Variants in DOCK3 observed in about 807,000 individuals in gnomAD.
DOCK3 encodes dedicator of cytokinesis protein 3.
A neutral mutation model predicts 265.6 loss-of-function variants in DOCK3; 60 were observed. That is an observed-to-expected ratio of 0.23 (90% CI 0.18 to 0.28). The LOEUF is 0.28. DOCK3 is among the 10% of genes least tolerant of loss of function. The pLI is 1.00. For missense variants in DOCK3, 1,981 were observed against 2,594.3 expected, an observed-to-expected ratio of 0.76 and a Z score of 5.14; for synonymous variants, 881 against 938.0, an observed-to-expected ratio of 0.94 and a Z score of 1.11.
chr3:50,722,108 T>G (rs1319314164), intron 1 of DOCK3, among the ~76,000 whole-genome samples: 2 of 152,154 alleles, frequency 1.3e-5, no homozygotes, highest in African/African-American at 2.4e-5. Flanking sequence ...TGCCAGAGAC[T>G]GAGGACAGGG....
intron 2 of DOCK3, chr3:50,787,751 TCTC>T: frequency 1.7e-6 from 2 of 1,177,614 alleles, no homozygotes; most frequent in Non-Finnish European, 2.5e-6. Flanking sequence ...TCTGTTATCT[TCTC>T]CTTTTTCTTC....
At chr3:51,129,301 T>C (rs992918209) in intron 9 of DOCK3, among the ~76,000 whole-genome samples, 17 of 152,308 alleles carry the variant, frequency 1.1e-4, no homozygotes, top group African/African-American at 3.6e-4. Context: ...TTTCGGGTGG[T>C]GCCTGCATAT....
chr3:50,861,360 A>G (rs953287026), intron 3 of DOCK3, among the ~76,000 whole-genome samples: 8 of 152,104 alleles, frequency 5.3e-5, no homozygotes, highest in Non-Finnish European at 1.2e-4. Flanking sequence ...CCAATGGTCA[A>G]TTTTTAAGAA....
intron 14 of DOCK3, among the ~76,000 whole-genome samples, chr3:51,224,377 T>G (rs900536070): frequency 6.6e-6 from 1 of 152,192 alleles, no homozygotes; most frequent in African/African-American, 2.4e-5. Flanking sequence ...CCAGTCCTGG[T>G]CTATTCCTGT....
intron 40 of DOCK3, among the ~76,000 whole-genome samples, chr3:51,353,026 TCTG>T (rs1235896774): frequency 6.6e-6 from 1 of 152,214 alleles, no homozygotes; most frequent in Non-Finnish European, 1.5e-5. Flanking sequence ...TATCTATTAA[TCTG>T]CAAAGAGTCA....
chr3:50,864,684 C>T (rs1057064995), intron 3 of DOCK3, among the ~76,000 whole-genome samples: 1 of 151,950 alleles, frequency 6.6e-6, no homozygotes, highest in African/African-American at 2.4e-5. Flanking sequence ...TTTGCAGCAC[C>T]ATTTATTAAA....
At chr3:51,030,280 G>A (rs919946611) in intron 5 of DOCK3, among the ~76,000 whole-genome samples, 2 of 152,162 alleles carry the variant, frequency 1.3e-5, no homozygotes, top group African/African-American at 4.8e-5. Context: ...GTCTGTTTCA[G>A]TTGACTGTTT....
intron 9 of DOCK3, among the ~76,000 whole-genome samples, chr3:51,118,569 C>T (rs536303043): frequency 3.1e-4 from 47 of 152,270 alleles, no homozygotes; most frequent in African/African-American, 1.1e-3. Context: ...GTTAAAGTCT[C>T]CCACTATTAT....
At chr3:51,011,527 A>G (rs1233470891) in intron 5 of DOCK3, among the ~76,000 whole-genome samples, 1 of 152,140 alleles carries the variant, frequency 6.6e-6, no homozygotes, top group African/African-American at 2.4e-5. Flanking sequence ...CCATTCGTCT[A>G]ATCTTTTTTC....
intron 35 of DOCK3, among the ~76,000 whole-genome samples, chr3:51,334,529 G>A (rs1377218850): frequency 6.6e-6 from 1 of 152,196 alleles, no homozygotes; most frequent in African/African-American, 2.4e-5. Flanking sequence ...TGAGAAATGT[G>A]CTCATGTCTT....
chr3:50,945,957 T>TG (rs1559847988), intron 5 of DOCK3, among the ~76,000 whole-genome samples: 1 of 152,050 alleles, frequency 6.6e-6, no homozygotes, highest in Non-Finnish European at 1.5e-5. Flanking sequence ...GCCAGTGTAG[T>TG]GGCTCATTTC....
At chr3:51,086,371 C>A (rs2082428648) in intron 7 of DOCK3, among the ~76,000 whole-genome samples, 1 of 152,238 alleles carries the variant, frequency 6.6e-6, no homozygotes, top group African/African-American at 2.4e-5. Context: ...CCATCATGAA[C>A]ATGTCGCAGT....
chr3:50,823,658 C>G (rs2044587543), intron 2 of DOCK3, among the ~76,000 whole-genome samples: 2 of 152,230 alleles, frequency 1.3e-5, no homozygotes, highest in African/African-American at 4.8e-5. Flanking sequence ...GTCATCCTGG[C>G]CCATTCTCAA....
rs549768941 is a variant in DOCK3, at chr3:51,354,246, G to A, written c.4108-636G>A. ...CCCCCCCCCCATTTAAAATTATTTG[G>A]TGGCACCCATAGCAATCACTCCTTG... On this transcript the variant is annotated intron_variant, in intron 40 of 52. Transcript: ENST00000266037. 4.7e-5 allele frequency among the ~76,000 whole-genome samples: 7 copies of A among 147,906 alleles called. 1 individual carries two copies. Among genetic ancestry groups the A allele is most frequent in the African/African-American group, 1.8e-4 (7 of 39,164 alleles).
At chr3:50,932,624 C>T (rs1419256975) in intron 4 of DOCK3, among the ~76,000 whole-genome samples, 1 of 152,158 alleles carries the variant, frequency 6.6e-6, no homozygotes, top group African/African-American at 2.4e-5. Context: ...CCTATGACAG[C>T]TGGTCCCAGT....
At chr3:51,093,052 A>AC (rs2082700257) in intron 9 of DOCK3, among the ~76,000 whole-genome samples, 1 of 152,166 alleles carries the variant, frequency 6.6e-6, no homozygotes, top group African/African-American at 2.4e-5. Context: ...CCGTTTTGGT[A>AC]CCAGTAACAC....
chr3:50,979,647 C>T (rs531187167), intron 5 of DOCK3, among the ~76,000 whole-genome samples: 1 of 152,262 alleles, frequency 6.6e-6, no homozygotes, highest in East Asian at 1.9e-4. Flanking sequence ...CCTGCAGAAC[C>T]ACAAAACAAA....
At chr3:51,194,638 C>T (rs1271044095) in intron 12 of DOCK3, among the ~76,000 whole-genome samples, 1 of 151,824 alleles carries the variant, frequency 6.6e-6, no homozygotes, top group African/African-American at 2.4e-5. Flanking sequence ...TGGATTGATC[C>T]CTTTATCATT....
intron 2 of DOCK3, among the ~76,000 whole-genome samples, chr3:50,816,676 T>C (rs77940591): frequency 6.6e-6 from 1 of 152,156 alleles, no homozygotes; most frequent in Non-Finnish European, 1.5e-5. Flanking sequence ...GAGTCTGTAA[T>C]TGATCATTTT....
Sources: gnomAD v4.1 joint callset for allele counts (sites outside exome capture counted in the v4.1 genomes callset) on GRCh38, gnomAD v4.1.1 for gene constraint, MANE v1.5 for transcripts, NCBI Gene and HGNC (gene_info 2026-07-23, HGNC 2026-07-21) for gene names.